The following MAGEC2 variants were observed in gnomAD, a reference collection of about 807,000 sequenced individuals.
MAGEC2 encodes the protein MAGE family member C2.
For synonymous variants in MAGEC2, 127 were observed against 115.1 expected (o/e 1.10, Z -0.66); for missense variants, 332 against 282.3 (o/e 1.18, Z -1.26).
chrX:142,204,041 A>C lies in MAGEC2; in HGVS notation c.-54T>G. The C allele has an allele frequency of 8.5e-7, 1 of 1,176,335 alleles. No homozygotes were observed. The highest frequency in any genetic ancestry group is 1.2e-6 in the Non-Finnish European group (1 of 868,930). On this transcript the variant is annotated 5_prime_UTR_variant, in exon 3 of 3. Transcript: ENST00000247452. ...CGTATCAACAGGGATATGGATGATG[A>C]GATCCAACAGGCCTGTGGAAGAGAG...
chrX:142,205,261 T>C lies in MAGEC2; in HGVS notation c.-319A>G. On this transcript the variant is annotated 5_prime_UTR_variant, in exon 1 of 3. Coordinates refer to ENST00000247452, the MANE Select transcript of MAGEC2 (RefSeq NM_016249.4). ...CCTCCTCACAAATGCCTTCGATCCG[T>C]CAGATTCCCAAGATGGCCGTCGGGA... 1 of 136,301 alleles carries C rather than the reference T, an allele frequency of 7.3e-6. No homozygotes were observed. The highest frequency in any genetic ancestry group is 1.8e-4 in the East Asian group (1 of 5,409). The allele number at this position is 136,301 out of a possible 1,213,427, so 11.2% of individuals were successfully genotyped here. A position where few individuals can be genotyped will look rare whatever the true frequency, so the allele number is the denominator to read the frequency against.
rs1045886349 is a variant in MAGEC2 at position 142,203,673 on chromosome X, G to A, written c.315C>T (p.Ser105=). The change falls in exon 3 of 3, where the codon TCC becomes TCT. Residue 105 remains serine, a synonymous_variant. Coordinates refer to ENST00000247452, the MANE Select transcript of MAGEC2 (RefSeq NM_016249.4). ...PSQSPLSSCC[S]SFSWSSFSEE... ...CACTGAATGAGCTCCATGAAAAAGA[G>A]GAGCAGCAGGAGCTCAGAGGACTCT... 1.7e-6 allele frequency: 2 copies of A among 1,210,350 alleles called. No homozygotes were observed. The highest frequency in any genetic ancestry group is 2.2e-6 in the Non-Finnish European group (2 of 895,098).
At position 142,202,617 on chromosome X, in the gene MAGEC2, GTTACTC is replaced by G. The variant is rs1931156411; in HGVS notation, c.*243_*248del. On this transcript the variant is annotated 3_prime_UTR_variant, in exon 3 of 3. Coordinates refer to ENST00000247452, the MANE Select transcript of MAGEC2 (RefSeq NM_016249.4). ...CATTTTTTTAACAAAATATCAAACTGTTACTCTTAAACCAGATAAAGAGCAATACAT... is the reference window on the plus strand; with the variant it reads ...CATTTTTTTAACAAAATATCAAACTGTTAAACCAGATAAAGAGCAATACAT... The G allele has an allele frequency of 9.5e-6, 3 of 317,459 alleles. No homozygotes were observed. Among genetic ancestry groups the G allele is most frequent in the Non-Finnish European group, 1.6e-5 (3 of 183,715 alleles). The allele number at this position is 317,459 out of a possible 1,213,427, so 26.2% of individuals were successfully genotyped here.
rs774061010 is a variant in MAGEC2 at position 142,203,801 on chromosome X, G to A, written c.187C>T (p.Leu63Phe). The stretch of plus-strand genomic sequence containing the variant: ...ACCTCCTCCTCCTCAGGACCACCAA[G>A]AATCAGAGAAGAGGATGTGGAGAAA... The part of the protein sequence containing the change: ...SSFSTSSSLI[L>F]GGPEEEEVPS... The change falls in exon 3 of 3, where the codon CTT (leucine) becomes TTT (phenylalanine). Residue 63 changes from leucine to phenylalanine, a missense_variant. Transcript: ENST00000247452. 8.3e-7 allele frequency: 1 copy of A among 1,198,131 alleles called. No homozygotes were observed. The highest frequency in any genetic ancestry group is 1.1e-6 in the Non-Finnish European group (1 of 890,136).
chrX:142,203,252 C>G lies in MAGEC2; in HGVS notation c.736G>C (p.Glu246Gln), dbSNP rs765219701. 1 of 1,211,547 alleles carries G rather than the reference C, an allele frequency of 8.3e-7. No homozygotes were observed. Among genetic ancestry groups the G allele is most frequent in the Non-Finnish European group, 1.1e-6 (1 of 895,528 alleles). ...TTCAGCACTTCCCAGATGACCTCCT[C>G]AGAGGCACAGTTGCCCTTTATGAAG... ...VIFIKGNCAS[E>Q]EVIWEVLNAV... The change falls in exon 3 of 3, where the codon GAG becomes CAG. Residue 246 changes from glutamate to glutamine, a missense_variant. Coordinates refer to ENST00000247452, the MANE Select transcript of MAGEC2 (RefSeq NM_016249.4).
chrX:142,204,322 G>A (rs747937110), intron 2 of MAGEC2, 40 bp downstream of exon 2: 28 of 402,705 alleles, frequency 7.0e-5, no homozygotes, highest in Non-Finnish European at 1.2e-4. Context: ...TCTGTTTCTG[G>A]GGGTAGGGCC....
In MAGEC2 at chrX:142,203,732, T is replaced by A; in HGVS notation, c.256A>T (p.Ser86Cys). The change falls in exon 3 of 3, where the codon AGT (serine) becomes TGT (cysteine). Residue 86 changes from serine (S) to cysteine (C), a missense_variant. By Grantham distance (112) the Ser-to-Cys change is moderately radical. Transcript: ENST00000247452. ...IPNLTESIPS[S>C]PPQGPPQGPS... The stretch of plus-strand genomic sequence containing the variant: ...CCCTGTGGAGGACCCTGTGGAGGAC[T>A]ACTGGGAATGCTCTCGGTAAGATTT... 8.3e-7 allele frequency: 1 copy of A among 1,208,958 alleles called. No individual in the cohort carries two copies.
At chrX:142,204,237 G>A in intron 2 of MAGEC2, 125 bp downstream of exon 2, 1 of 545,161 alleles carries the variant, frequency 1.8e-6, no homozygotes, top group South Asian at 3.1e-5. Flanking sequence ...CACACCTCAG[G>A]GCACAGCTGG....
chrX:142,202,950 G>A lies in MAGEC2; in HGVS notation c.1038C>T (p.Ala346=), dbSNP rs771308048. ...TGGCATCATCTGCGGTATCAATTGT[G>A]GCCTGGACTCTCTCTTCCACATCTT... is the stretch of plus-strand genomic sequence containing the variant. ...ALKDVEERVQ[A]TIDTADDATV... Residue 346 remains alanine, a synonymous_variant, in exon 3 of 3, where the codon GCC becomes GCT. Transcript: ENST00000247452. 1.7e-6 allele frequency: 2 copies of A among 1,211,359 alleles called. No individual in the cohort carries two copies. The highest frequency in any genetic ancestry group is 2.2e-6 in the Non-Finnish European group (2 of 895,198).
chrX:142,204,566 G>A, intron 1 of MAGEC2, 111 bp from the exon 2 acceptor site: 1 of 117,252 alleles, frequency 8.5e-6, no homozygotes, highest in Non-Finnish European at 1.8e-5. Context: ...CATAGTTCTG[G>A]ACTGCATGGC....
rs767551528 is a variant in MAGEC2 at position 142,203,395 on chromosome X, A to G, written c.593T>C (p.Ile198Thr). Residue 198 changes from isoleucine to threonine, a missense_variant, in exon 3 of 3, where the codon ATA (isoleucine) becomes ACA (threonine). Transcript: ENST00000247452. ...FMELLFGLAL[I>T]EVGPDHFCVF... ...ACAGAAGTGGTCAGGGCCCACTTCTATCAGGGCAAGGCCAAAAAGAAGCTC... is the reference window on the plus strand; with the variant it reads ...ACAGAAGTGGTCAGGGCCCACTTCTGTCAGGGCAAGGCCAAAAAGAAGCTC... The G allele has an allele frequency of 8.3e-7, 1 of 1,211,703 alleles. No homozygotes were observed. The highest frequency in any genetic ancestry group is 1.1e-6 in the Non-Finnish European group (1 of 895,450).
chrX:142,203,902 T>C lies in MAGEC2; in HGVS notation c.86A>G (p.Gln29Arg). The change falls in exon 3 of 3, where the codon CAG becomes CGG. Residue 29 changes from glutamine (Q) to arginine (R), a missense_variant. By Grantham distance (43) the Gln-to-Arg change is conservative. Coordinates refer to ENST00000247452, the MANE Select transcript of MAGEC2 (RefSeq NM_016249.4). ...SVELEDWVDA[Q>R]HPTDEEEEEA... ...CTCCTCTTCCTCATCTGTGGGATGCTGTGCATCTACCCAGTCTTCTAACTC... is the reference window on the plus strand; with the variant it reads ...CTCCTCTTCCTCATCTGTGGGATGCCGTGCATCTACCCAGTCTTCTAACTC... The C allele has an allele frequency of 1.7e-6, 2 of 1,186,684 alleles. No individual in the cohort carries two copies. The highest frequency in any genetic ancestry group is 2.3e-6 in the Non-Finnish European group (2 of 884,216).
In MAGEC2 at chrX:142,203,178, A is replaced by G. The variant is rs1005853548; in HGVS notation, c.810T>C (p.Pro270=). The change falls in exon 3 of 3, where the codon CCT becomes CCC. Residue 270 remains proline (P), a synonymous_variant. Transcript: ENST00000247452. Reference sequence around the variant, plus strand: ...CCCAAACTTTAGTGAGGAGCTCCCTAGGCTCCCCATAGACGAAGTGCTCCC... The same window carrying G: ...CCCAAACTTTAGTGAGGAGCTCCCTGGGCTCCCCATAGACGAAGTGCTCCC... The part of the protein sequence containing the change: ...AGREHFVYGE[P]RELLTKVWVQ... 1.7e-5 allele frequency: 20 copies of G among 1,208,731 alleles called. 1 individual carries two copies. Among genetic ancestry groups the G allele is most frequent in the Admixed American group, 1.5e-4 (7 of 45,731 alleles).
At position 142,203,336 on chromosome X, in the gene MAGEC2, C is replaced by T. The variant is rs772829264; in HGVS notation, c.652G>A (p.Gly218Ser). 2 of 1,211,491 alleles carry T rather than the reference C, an allele frequency of 1.7e-6. No individual in the cohort carries two copies. The highest frequency in any genetic ancestry group is 2.2e-5 in the Admixed American group (1 of 46,053). Residue 218 changes from glycine (G) to serine (S), a missense_variant, in exon 3 of 3, where the codon GGT becomes AGT. By Grantham distance (56) the Gly-to-Ser change is moderately conservative. Coordinates refer to ENST00000247452, the MANE Select transcript of MAGEC2 (RefSeq NM_016249.4). ...TCGGGCATGCCCTCATCATCACTAC[C>T]CTCATCGGTGAGGCCTACTGTGTTT... ...FANTVGLTDE[G>S]SDDEGMPENS...
At position 142,203,620 on chromosome X, in the gene MAGEC2, T is replaced by G. The variant is rs1202574291; in HGVS notation, c.368A>C (p.Asp123Ala). The G allele has an allele frequency of 8.3e-7, 1 of 1,208,133 alleles. No individual in the cohort carries two copies. The highest frequency in any genetic ancestry group is 1.8e-5 in the African/African-American group (1 of 56,468). ...TGGCAGGCCCTGACAGGTGCCTGTATCCTCCCCTTTCTGGCTGCTGGACTC... is the reference window on the plus strand; with the variant it reads ...TGGCAGGCCCTGACAGGTGCCTGTAGCCTCCCCTTTCTGGCTGCTGGACTC... ...SEESSSQKGE[D>A]TGTCQGLPDS... Residue 123 changes from aspartate to alanine, a missense_variant, in exon 3 of 3, where the codon GAT becomes GCT. Asp to Ala is a moderately radical substitution (Grantham distance 126). Coordinates refer to ENST00000247452, the MANE Select transcript of MAGEC2 (RefSeq NM_016249.4).
chrX:142,204,726 A>G (rs1416581627), intron 1 of MAGEC2, among the ~76,000 whole-genome samples: 1 of 111,572 alleles, frequency 9.0e-6, no homozygotes, highest in East Asian at 2.8e-4. Context: ...CCAGCACTCT[A>G]CCATGGGGGC....
At position 142,203,485 on chromosome X, in the gene MAGEC2, A is replaced by G; in HGVS notation, c.503T>C (p.Leu168Pro). ...AEEPVTEAEM[L>P]MIVIKYKDYF... ...ATCTTTGTACTTGATGACAATCATC[A>G]GCATCTCTGCCTCTGTTACAGGCTC... The change falls in exon 3 of 3, where the codon CTG becomes CCG. Residue 168 changes from leucine to proline, a missense_variant. Physicochemically the swap from Leu to Pro is moderately conservative, Grantham distance 98. Coordinates refer to ENST00000247452, the MANE Select transcript of MAGEC2 (RefSeq NM_016249.4). The G allele has an allele frequency of 8.3e-7, 1 of 1,211,871 alleles. No homozygotes were observed. Among genetic ancestry groups the G allele is most frequent in the Non-Finnish European group, 1.1e-6 (1 of 895,581 alleles).
At position 142,203,500 on chromosome X, in the gene MAGEC2, G is replaced by C; in HGVS notation, c.488C>G (p.Thr163Arg). The C allele has an allele frequency of 2.5e-6, 3 of 1,211,606 alleles. No individual in the cohort carries two copies. The highest frequency in any genetic ancestry group is 3.4e-6 in the Non-Finnish European group (3 of 895,474). Residue 163 changes from threonine (T) to arginine (R), a missense_variant, in exon 3 of 3, where the codon ACA becomes AGA. Transcript: ENST00000247452. ...GACAATCATCAGCATCTCTGCCTCT[G>C]TTACAGGCTCCTCTGCTTCGTATTT... ...LLKYEAEEPV[T>R]EAEMLMIVIK...
In MAGEC2 at chrX:142,203,608, C is replaced by T. The variant is rs1337189970; in HGVS notation, c.380G>A (p.Cys127Tyr). The T allele has an allele frequency of 3.3e-6, 4 of 1,211,133 alleles. No homozygotes were observed. In the South Asian group the frequency reaches 7.0e-5, roughly 21 times the overall value. Residue 127 changes from cysteine to tyrosine, a missense_variant, in exon 3 of 3, where the codon TGT becomes TAT. Cys to Tyr is a radical substitution (Grantham distance 194). Transcript: ENST00000247452. ...SSQKGEDTGT[C>Y]QGLPDSESSF... is the part of the protein sequence containing the mutation. ...GGACTCACTGTCTGGCAGGCCCTGA[C>T]AGGTGCCTGTATCCTCCCCTTTCTG...
Sources: gnomAD v4.1 joint callset for allele counts (sites outside exome capture counted in the v4.1 genomes callset) on GRCh38, gnomAD v4.1.1 for gene constraint, MANE v1.5 for transcripts, NCBI Gene and HGNC (gene_info 2026-07-23, HGNC 2026-07-21) for gene names.